Variants in UBE2E2 observed in about 807,000 individuals in gnomAD.
UBE2E2 encodes ubiquitin-conjugating enzyme E2 E2.
UBE2E2 carries 6 observed loss-of-function variants against 24.7 expected under a neutral mutation model. The ratio of observed to expected loss-of-function variants is 0.24; its 90% CI spans 0.13 to 0.48. UBE2E2 has a LOEUF of 0.48. Ranked by LOEUF, UBE2E2 falls within the 20% of genes least tolerant of loss-of-function variation. The probability of loss-of-function intolerance (pLI) is 0.99; values close to 1 mark genes in which losing one functional copy is unlikely to be tolerated. For synonymous variants in UBE2E2, 104 were observed against 83.6 expected (o/e 1.24, Z -1.33); for missense variants, 169 against 245.0 (o/e 0.69, Z 2.07).
chr3:23,499,173 T>C (rs943967703), intron 3 of UBE2E2, among the ~76,000 whole-genome samples: 1 of 152,212 alleles, frequency 6.6e-6, no homozygotes, highest in Non-Finnish European at 1.5e-5. Flanking sequence ...TGGGATATGA[T>C]ATTTGAGCAG....
intron 5 of UBE2E2, among the ~76,000 whole-genome samples, chr3:23,536,872 C>G (rs1231116708): frequency 6.6e-6 from 1 of 152,140 alleles, no homozygotes; most frequent in African/African-American, 2.4e-5. Context: ...TGCTAAAAAT[C>G]AGACATACTA....
intron 3 of UBE2E2, among the ~76,000 whole-genome samples, chr3:23,389,004 A>G (rs1696873570): frequency 9.4e-6 from 1 of 106,132 alleles, no homozygotes; most frequent in South Asian, 2.5e-4. Flanking sequence ...TCCATTTCCA[A>G]AAAAAAAAAA....
chr3:23,373,541 A>G (rs1331553890), intron 3 of UBE2E2, among the ~76,000 whole-genome samples: 1 of 152,172 alleles, frequency 6.6e-6, no homozygotes, highest in Non-Finnish European at 1.5e-5. Context: ...AGTTAAGTTG[A>G]GGGAGACCGA....
At chr3:23,499,987 T>TATGTTTTAATGTAACATTAAAACACC (rs1403616511) in intron 4 of UBE2E2, among the ~76,000 whole-genome samples, 2 of 152,166 alleles carry the variant, frequency 1.3e-5, no homozygotes, top group African/African-American at 4.8e-5. Flanking sequence ...TTCTTTGTTA[T>TATGTTTTAATGTAACATTAAAACACC]ATGTTTTAAT....
chr3:23,291,082 C>A (rs1908476), intron 3 of UBE2E2, among the ~76,000 whole-genome samples: 127,758 of 139,964 alleles, frequency 0.91, 57,784 homozygotes, highest in South Asian at 0.96. Flanking sequence ...AAAAAAAAAA[C>A]AAAAAACGTG....
chr3:23,204,455 G>A (rs940575885), intron 1 of UBE2E2, among the ~76,000 whole-genome samples: 3 of 152,104 alleles, frequency 2.0e-5, no homozygotes, highest in Non-Finnish European at 2.9e-5. Flanking sequence ...TACCCTCAAA[G>A]TATCTCGCGG....
chr3:23,467,317 A>G (rs1217984702), intron 3 of UBE2E2, among the ~76,000 whole-genome samples: 2 of 152,178 alleles, frequency 1.3e-5, no homozygotes, highest in Admixed American at 1.3e-4. Context: ...TTTAACTTGA[A>G]TGGCTAAGAT....
rs201953310 is a variant in UBE2E2 at position 23,563,092 on chromosome 3, T to C, written c.509-26642T>C. 2.0e-3 allele frequency among the ~76,000 whole-genome samples: 308 copies of C among 152,302 alleles called. 5 individuals carry two copies. The highest frequency in any genetic ancestry group is 0.015 in the East Asian group (79 of 5,182). On this transcript the variant is annotated intron_variant, in intron 5 of 5. Transcript: ENST00000396703. ...CCTTCAGTTCTTCTCTGATCTTAGT[T>C]ATTTCTTGCCTTCTGCTAGCTTTTG... is the stretch of plus-strand genomic sequence containing the variant.
rs1217112118 is a variant in UBE2E2 at position 23,591,748 on chromosome 3, CATTT to C, written c.*1918_*1921del. The C allele has an allele frequency of 6.6e-6, 1 of 152,204 alleles. No individual in the cohort carries two copies. The highest frequency in any genetic ancestry group is 1.5e-5 in the Non-Finnish European group (1 of 68,044). 9.4% of individuals were successfully genotyped at this position (152,204 alleles called of 1,614,324 possible). A position where few individuals can be genotyped will look rare whatever the true frequency, so the allele number is the denominator to read the frequency against. On this transcript the variant is annotated 3_prime_UTR_variant, in exon 6 of 6. Coordinates refer to ENST00000396703, the MANE Select transcript of UBE2E2 (RefSeq NM_152653.4). ...GGATGAAAAACAAATAACGATGTGT[CATTT>C]CTTTCTTTAACATAAAATAAATTCA... is the stretch of plus-strand genomic sequence containing the variant.
chr3:23,308,708 A>G (rs1202338087), intron 3 of UBE2E2, among the ~76,000 whole-genome samples: 1 of 152,172 alleles, frequency 6.6e-6, no homozygotes, highest in Admixed American at 6.5e-5. Context: ...AGATATATAT[A>G]CAAAAGAGAA....
intron 3 of UBE2E2, among the ~76,000 whole-genome samples, chr3:23,220,371 C>T (rs1696598279): frequency 6.6e-6 from 1 of 152,040 alleles, no homozygotes; most frequent in South Asian, 2.1e-4. Flanking sequence ...ATATGTCATC[C>T]TTTTTAAAAA....
rs1559331499 is a variant in UBE2E2, at chr3:23,280,492, T to C, written c.227+63180T>C. On this transcript the variant is annotated intron_variant, in intron 3 of 5. Coordinates refer to ENST00000396703, the MANE Select transcript of UBE2E2 (RefSeq NM_152653.4). The surrounding 1 kb of genome is among the most constrained non-coding windows in gnomAD (Gnocchi z 4.3). ...GGCCACACAATCTTTTTGGTCCTTCTTTGTTCACATTTTGCCTTCTTTTTT... is the reference window on the plus strand; with the variant it reads ...GGCCACACAATCTTTTTGGTCCTTCCTTGTTCACATTTTGCCTTCTTTTTT... Among the ~76,000 whole-genome samples, 1 of 152,232 alleles carries C rather than the reference T, an allele frequency of 6.6e-6. No individual in the cohort carries two copies. The highest frequency in any genetic ancestry group is 1.5e-5 in the Non-Finnish European group (1 of 68,040).
At chr3:23,204,942 A>G (rs1384679341) in intron 1 of UBE2E2, among the ~76,000 whole-genome samples, 1 of 152,236 alleles carries the variant, frequency 6.6e-6, no homozygotes, top group Admixed American at 6.5e-5. Flanking sequence ...TTACCTGGGT[A>G]GTAGGCTGGA....
chr3:23,502,774 A>G (rs138173175), intron 4 of UBE2E2, among the ~76,000 whole-genome samples: 10 of 152,330 alleles, frequency 6.6e-5, no homozygotes, highest in East Asian at 3.8e-4. Context: ...TTCAAATGCT[A>G]TATTTCAGTA....
At chr3:23,211,151 T>G (rs919925913) in intron 2 of UBE2E2, among the ~76,000 whole-genome samples, 11 of 152,160 alleles carry the variant, frequency 7.2e-5, no homozygotes, top group Non-Finnish European at 1.5e-4. Context: ...ACCCTGAGCT[T>G]CTTATAGGGA....
intron 3 of UBE2E2, among the ~76,000 whole-genome samples, chr3:23,480,418 G>A (rs1370737913): frequency 1.3e-5 from 2 of 152,332 alleles, no homozygotes; most frequent in African/African-American, 2.4e-5. Flanking sequence ...TTGGTCTGGA[G>A]CCATGGCTGG....
rs554698494 is a variant in UBE2E2, at chr3:23,331,941, T to A, written c.227+114629T>A. 2.6e-5 allele frequency among the ~76,000 whole-genome samples: 4 copies of A among 152,360 alleles called. No homozygotes were observed. In the South Asian group the frequency reaches 6.2e-4, roughly 24 times the overall value. ...GACAAGAATTTAATGCAACTAATTTTAAAATTTTTTTTAAAAGATGAAGTT... is the reference window on the plus strand; with the variant it reads ...GACAAGAATTTAATGCAACTAATTTAAAAATTTTTTTTAAAAGATGAAGTT... On this transcript the variant is annotated intron_variant, in intron 3 of 5. Transcript: ENST00000396703.
At chr3:23,378,512 A>AAG (rs775983304) in intron 3 of UBE2E2, among the ~76,000 whole-genome samples, 43 of 152,204 alleles carry the variant, frequency 2.8e-4, no homozygotes, top group Non-Finnish European at 5.4e-4. Flanking sequence ...CCAGCAAGTC[A>AAG]AACCCATGTT....
intron 3 of UBE2E2, chr3:23,271,213 C>T (rs1000090946): frequency 3.9e-5 from 15 of 382,792 alleles, no homozygotes; most frequent in South Asian, 1.8e-4. Flanking sequence ...AATGAAGCCA[C>T]GGACCCTCGC....
Sources: gnomAD v4.1 joint callset for allele counts (sites outside exome capture counted in the v4.1 genomes callset) on GRCh38, gnomAD v4.1.1 for gene constraint, Gnocchi (gnomAD v3.1) non-coding constraint, MANE v1.5 for transcripts, NCBI Gene and HGNC (gene_info 2026-07-23, HGNC 2026-07-21) for gene names.